The following GABBR2 variants were observed in gnomAD, a reference collection of about 807,000 sequenced individuals.
The protein encoded by GABBR2 is G-protein coupled receptor 51.
Under a neutral mutation model 105.6 loss-of-function variants are expected in GABBR2, and 23 were observed. The observed-to-expected ratio is 0.22, with a 90% CI of 0.16 to 0.31. The LOEUF (loss-of-function observed/expected upper bound fraction) is 0.31, where lower values mean the gene tolerates loss of function less well. Ranked by LOEUF, GABBR2 falls within the 10% of genes least tolerant of loss-of-function variation. GABBR2 has a pLI of 1.00. For synonymous variants in GABBR2, 478 were observed against 499.7 expected (o/e 0.96, Z 0.58); for missense variants, 734 against 1,245.5 (o/e 0.59, Z 6.18).
At chr9:98,626,007 T>C (rs1243044196) in intron 1 of GABBR2, among the ~76,000 whole-genome samples, 2 of 152,068 alleles carry the variant, frequency 1.3e-5, no homozygotes, top group Non-Finnish European at 2.9e-5. Context: ...GGAATGTGCA[T>C]AGGGAGGCCC....
At chr9:98,708,382 C>T (rs1289535593) in intron 1 of GABBR2, 35 bp downstream of exon 1, 2 of 1,342,040 alleles carry the variant, frequency 1.5e-6, no homozygotes, top group Non-Finnish European at 9.7e-7. Context: ...CAATGCCCCC[C>T]GAAGCCCCGA....
intron 13 of GABBR2, among the ~76,000 whole-genome samples, chr9:98,342,243 C>T (rs1831225929): frequency 6.6e-6 from 1 of 151,676 alleles, no homozygotes. Context: ...ATGAAGATGG[C>T]ATATTGGGGG....
At chr9:98,648,078 A>AGG (rs532565533) in intron 1 of GABBR2, among the ~76,000 whole-genome samples, 796 of 29,688 alleles carry the variant, frequency 0.027, 22 homozygotes, top group East Asian at 0.2. Flanking sequence ...TTAATCATAC[A>AGG]GGGTGTGTGT....
intron 3 of GABBR2, among the ~76,000 whole-genome samples, chr9:98,520,724 C>T (rs1249238811): frequency 6.6e-6 from 1 of 152,196 alleles, no homozygotes; most frequent in Non-Finnish European, 1.5e-5. Flanking sequence ...AAGGGCATAA[C>T]TTTGGCAGAG....
At chr9:98,703,094 G>C (rs147192321) in intron 1 of GABBR2, among the ~76,000 whole-genome samples, 2 of 152,162 alleles carry the variant, frequency 1.3e-5, no homozygotes. Context: ...TGAGACTTTC[G>C]CTGAAACAGT....
At chr9:98,490,833 C>G (rs1214680693) in intron 4 of GABBR2, among the ~76,000 whole-genome samples, 1 of 152,224 alleles carries the variant, frequency 6.6e-6, no homozygotes, top group Non-Finnish European at 1.5e-5. Flanking sequence ...AACAGCTAAA[C>G]TTTAGCCACC....
intron 1 of GABBR2, among the ~76,000 whole-genome samples, chr9:98,674,375 G>C (rs1393280499): frequency 2.6e-5 from 4 of 152,148 alleles, no homozygotes; most frequent in African/African-American, 9.7e-5. Context: ...GAACATCTGG[G>C]GGTGCCATAG....
rs1172279868 is a variant in GABBR2, at chr9:98,473,349, G to A, written c.799-3C>T. On this transcript the variant is annotated splice_region_variant and splice_polypyrimidine_tract_variant and intron_variant, in intron 5 of 18. Coordinates refer to ENST00000259455, the MANE Select transcript of GABBR2 (RefSeq NM_005458.8). Reference sequence around the variant, plus strand: ...CCATACATGTTCTCCTCGTATGCCTGTAAAAGATGGAGTGACTATGAGGGC... The same window carrying A: ...CCATACATGTTCTCCTCGTATGCCTATAAAAGATGGAGTGACTATGAGGGC... 2 of 1,599,960 alleles carry A rather than the reference G, an allele frequency of 1.3e-6. No homozygotes were observed. The highest frequency in any genetic ancestry group is 3.3e-5 in the Admixed American group (2 of 59,920).
At chr9:98,525,434 G>A (rs1378584249) in intron 3 of GABBR2, among the ~76,000 whole-genome samples, 1 of 152,176 alleles carries the variant, frequency 6.6e-6, no homozygotes, top group Non-Finnish European at 1.5e-5. Context: ...TTAGAGAAAT[G>A]CACATCAAAA....
chr9:98,288,125 T>G lies in GABBR2; in HGVS notation c.*2459A>C, dbSNP rs1830228269. 1 of 152,458 alleles carries G rather than the reference T, an allele frequency of 6.6e-6. No homozygotes were observed. Among genetic ancestry groups the G allele is most frequent in the Non-Finnish European group, 1.5e-5 (1 of 68,036 alleles). The allele number at this position is 152,458 out of a possible 1,614,324, so 9.4% of individuals were successfully genotyped here. A position where few individuals can be genotyped will look rare whatever the true frequency, so the allele number is the denominator to read the frequency against. ...TTCCTTTTATTCATAAAAACAAATTTGCAACAATTTATTAAAAATCGATAC... is the reference window on the plus strand; with the variant it reads ...TTCCTTTTATTCATAAAAACAAATTGGCAACAATTTATTAAAAATCGATAC... On this transcript the variant is annotated 3_prime_UTR_variant, in exon 19 of 19. Coordinates refer to ENST00000259455, the MANE Select transcript of GABBR2 (RefSeq NM_005458.8).
rs376323708 is a variant in GABBR2 at position 98,684,169 on chromosome 9, T to TTAAAAAA, written c.321+24247_321+24248insTTTTTTA. Among the ~76,000 whole-genome samples the TTAAAAAA allele has an allele frequency of 5.2e-3, 345 of 66,138 alleles. 89 individuals are homozygous for TTAAAAAA. Among genetic ancestry groups the TTAAAAAA allele is most frequent in the Middle Eastern group, 0.024 (2 of 82 alleles). 43.4% of individuals were successfully genotyped at this position (66,138 alleles called of 152,430 possible). On this transcript the variant is annotated intron_variant, in intron 1 of 18. Coordinates refer to ENST00000259455, the MANE Select transcript of GABBR2 (RefSeq NM_005458.8). Reference sequence around the variant, plus strand: ...AAAAGAAGAATGCATTTTACCACGGTAAAAAAAAAAAAAAAAAAAAAAAAA... The same window carrying TTAAAAAA: ...AAAAGAAGAATGCATTTTACCACGGTTAAAAAAAAAAAAAAAAAAAAAAAAAAAAAAA...
intron 1 of GABBR2, among the ~76,000 whole-genome samples, chr9:98,597,025 C>T (rs1829246987): frequency 6.6e-6 from 1 of 152,148 alleles, no homozygotes. Flanking sequence ...AGGCCCACCC[C>T]TATGCTGTGC....
At chr9:98,314,246 A>G (rs981443734) in intron 13 of GABBR2, among the ~76,000 whole-genome samples, 5 of 152,166 alleles carry the variant, frequency 3.3e-5, no homozygotes, top group South Asian at 2.1e-4. Flanking sequence ...ATTAAGGGCA[A>G]TGGGGGTTTC....
intron 1 of GABBR2, among the ~76,000 whole-genome samples, chr9:98,648,116 T>TGTGTGTATAG: frequency 0.034 from 1,892 of 55,948 alleles, 131 homozygotes; most frequent in East Asian, 0.28. Flanking sequence ...TGTGTGTGTG[T>TGTGTGTATAG]ATAGATAGAT....
At chr9:98,303,168 G>A in intron 16 of GABBR2, 73 bp downstream of exon 16, 1 of 1,264,712 alleles carries the variant, frequency 7.9e-7, no homozygotes. Flanking sequence ...AGAGGAGCCT[G>A]AGAGTCCCCG....
At chr9:98,534,725 C>T (rs1347852822) in intron 3 of GABBR2, among the ~76,000 whole-genome samples, 3 of 152,192 alleles carry the variant, frequency 2.0e-5, no homozygotes, top group Non-Finnish European at 4.4e-5. Flanking sequence ...GCTGACAATA[C>T]CAAATACTGG....
At chr9:98,609,610 G>C (rs1829477095) in intron 1 of GABBR2, among the ~76,000 whole-genome samples, 2 of 152,200 alleles carry the variant, frequency 1.3e-5, no homozygotes, top group African/African-American at 4.8e-5. Context: ...TGAAGGGCAG[G>C]GCTCCAAGGT....
At chr9:98,627,995 T>C (rs1265671166) in intron 1 of GABBR2, among the ~76,000 whole-genome samples, 1 of 152,232 alleles carries the variant, frequency 6.6e-6, no homozygotes, top group African/African-American at 2.4e-5. Context: ...AGACTTCATG[T>C]TCCAATTGTA....
chr9:98,647,528 C>T (rs939888032), intron 1 of GABBR2, among the ~76,000 whole-genome samples: 1 of 152,208 alleles, frequency 6.6e-6, no homozygotes, highest in African/African-American at 2.4e-5. Flanking sequence ...CTCTCCGCTT[C>T]TTTATCTGTG....
Sources: allele counts gnomAD v4.1 joint callset (sites outside exome capture counted in the v4.1 genomes callset), GRCh38; gene constraint gnomAD v4.1.1; transcripts MANE v1.5; gene names NCBI Gene and HGNC (gene_info 2026-07-23, HGNC 2026-07-21).